BOP1: variants seen among roughly 807,000 people sequenced by gnomAD.
BOP1 encodes the protein BOP1 ribosomal biogenesis factor, also known as ribosome biogenesis protein BOP1.
In BOP1, 54 loss-of-function variants were observed where a neutral mutation model predicts 82.9. The ratio of observed to expected loss-of-function variants is 0.65; its 90% CI spans 0.52 to 0.82. The LOEUF is 0.82. Among genes scored for constraint, BOP1 ranks in the 40% least tolerant of loss-of-function variants. The probability of loss-of-function intolerance (pLI) is 0.00; values close to 1 mark genes in which losing one functional copy is unlikely to be tolerated. For missense variants in BOP1, 1,170 were observed against 1,072.0 expected (o/e 1.09, Z -1.28); for synonymous variants, 566 against 451.1 (o/e 1.25, Z -3.23).
chr8:144,262,424 C>T lies in BOP1; in HGVS notation c.2059G>A (p.Val687Ile). The T allele has an allele frequency of 1.2e-6, 2 of 1,612,802 alleles. No homozygotes were observed. The highest frequency in any genetic ancestry group is 1.7e-6 in the Non-Finnish European group (2 of 1,179,824). Reference sequence around the variant, plus strand: ...TACACCATGCCATGGCAGACGATGACACTGCCGTCGTCCGAGCCTGACGCA... The same window carrying T: ...TACACCATGCCATGGCAGACGATGATACTGCCGTCGTCCGAGCCTGACGCA... Reference protein sequence around the residue: ...LFASGSDDGSVIVCHGMVYND... With the variant: ...LFASGSDDGSIIVCHGMVYND... Residue 687 changes from valine to isoleucine, a missense_variant, in exon 15 of 16, where the codon GTC (valine) becomes ATC (isoleucine). By Grantham distance (29) the Val-to-Ile change is conservative (BLOSUM62 3). Transcript: ENST00000569669.
At chr8:144,266,533 C>CGGCCCGCGA (rs1204516697) in intron 3 of BOP1, 18 of 992,708 alleles carry the variant, frequency 1.8e-5, no homozygotes, top group Middle Eastern at 1.0e-3. Flanking sequence ...TCGCCCCGGC[C>CGGCCCGCGA]GGCCCGCGAG....
intron 2 of BOP1, among the ~76,000 whole-genome samples, chr8:144,279,113 G>A (rs587621267): frequency 2.7e-4 from 11 of 41,382 alleles, no homozygotes; most frequent in East Asian, 2.0e-3. Flanking sequence ...CACGGGCCAC[G>A]ACCGCCATGG....
At position 144,262,093 on chromosome 8, in the gene BOP1, C is replaced by T. The variant is rs1845192164; in HGVS notation, c.*71G>A. ...CAACCCCAATTCAAGAAGGTGGGAG[C>T]ACCAGGCAGCACAGGGTAAAGGCTC... On this transcript the variant is annotated 3_prime_UTR_variant, in exon 16 of 16. Coordinates refer to ENST00000569669, the MANE Select transcript of BOP1 (RefSeq NM_015201.5). The T allele has an allele frequency of 6.9e-6, 11 of 1,601,488 alleles. No homozygotes were observed. The highest frequency in any genetic ancestry group is 3.3e-5 in the Admixed American group (2 of 59,726).
chr8:144,266,809 C>G, intron 3 of BOP1: 1 of 1,157,828 alleles, frequency 8.6e-7, no homozygotes, highest in Non-Finnish European at 1.1e-6. Context: ...GGGCGGGGGG[C>G]CAGGGGGCCG....
rs1054074838 is a variant in BOP1, at chr8:144,262,378, G to A, written c.2087+18C>T. Reference sequence around the variant, plus strand: ...CACCACTGCCCTGGGGAGGGGGCCAGGCAGGGTCAGCACTCACTTGTACAC... The same window carrying A: ...CACCACTGCCCTGGGGAGGGGGCCAAGCAGGGTCAGCACTCACTTGTACAC... On this transcript the variant is annotated intron_variant, in intron 15 of 15. Transcript: ENST00000569669. 1.2e-5 allele frequency: 19 copies of A among 1,612,668 alleles called. No individual in the cohort carries two copies. In the African/African-American group the frequency reaches 2.0e-4, roughly 17 times the overall value.
intron 3 of BOP1, chr8:144,265,469 AC>A (rs1411846097): frequency 3.7e-6 from 1 of 267,962 alleles, no homozygotes. Context: ...CTCGGGGAAG[AC>A]CCCAACTGAC....
rs114852155 is a variant in BOP1 at position 144,279,911 on chromosome 8, G to C, written c.310-3607C>G. On this transcript the variant is annotated intron_variant, in intron 2 of 15. Transcript: ENST00000569669. ...CTGGACACACAAGAGGCCCGGCTGTGCTCACCTGAGATCCTCACCCAAGTC... is the reference window on the plus strand; with the variant it reads ...CTGGACACACAAGAGGCCCGGCTGTCCTCACCTGAGATCCTCACCCAAGTC... 7.8e-3 allele frequency among the ~76,000 whole-genome samples: 1,194 copies of C among 152,238 alleles called. 17 individuals carry two copies. Among genetic ancestry groups the C allele is most frequent in the African/African-American group, 0.028 (1,147 of 41,548 alleles).
At chr8:144,277,168 C>T (rs1845580293) in intron 2 of BOP1, among the ~76,000 whole-genome samples, 1 of 152,146 alleles carries the variant, frequency 6.6e-6, no homozygotes, top group African/African-American at 2.4e-5. Context: ...CCCCCGCCCC[C>T]ACCCCGAGCC....
intron 2 of BOP1, among the ~76,000 whole-genome samples, chr8:144,283,833 G>C (rs886690069): frequency 6.6e-6 from 1 of 152,180 alleles, no homozygotes; most frequent in Admixed American, 6.5e-5. Flanking sequence ...TAAATGCATT[G>C]ATGGCCAGGT....
In BOP1 at chr8:144,263,157, G is replaced by A. The variant is rs1177904364; in HGVS notation, c.1606-16C>T. The A allele has an allele frequency of 2.5e-6, 4 of 1,593,268 alleles. No individual in the cohort carries two copies. The African/African-American group carries it at 5.3e-5, about 21-fold the overall frequency. ...GCGTCACTGGCTGCAGGAGAGCAAGGCTGGCTGAGTGGCTGAGCCGGGCCC... is the reference window on the plus strand; with the variant it reads ...GCGTCACTGGCTGCAGGAGAGCAAGACTGGCTGAGTGGCTGAGCCGGGCCC... On this transcript the variant is annotated splice_polypyrimidine_tract_variant and intron_variant, in intron 12 of 15. Transcript: ENST00000569669.
At chr8:144,289,427 C>T in intron 1 of BOP1, 123 bp from the exon 2 acceptor site, 1 of 955,934 alleles carries the variant, frequency 1.0e-6, no homozygotes, top group Non-Finnish European at 1.6e-6. Flanking sequence ...CCTCCAGGAC[C>T]ACACCCCTCC....
chr8:144,276,594 C>T (rs1423665376), intron 2 of BOP1, among the ~76,000 whole-genome samples: 2 of 152,182 alleles, frequency 1.3e-5, no homozygotes, highest in African/African-American at 4.8e-5. Context: ...ACGGAAGCCA[C>T]TGGGGCAGTC....
Position 144,263,069 on chromosome 8 carries a change from G to C in BOP1, c.1678C>G (p.Gln560Glu). ...CGGCTCAGCTGGTGAATCAGCACCT[G>C]GGTGTGGCCTTGGGTGGCCAGCACC... ...AVVLATQGHT[Q>E]VLIHQLSRRR... Residue 560 changes from glutamine to glutamate, a missense_variant, in exon 13 of 16, where the codon CAG becomes GAG. Coordinates refer to ENST00000569669, the MANE Select transcript of BOP1 (RefSeq NM_015201.5). 1 of 1,588,292 alleles carries C rather than the reference G, an allele frequency of 6.3e-7. No homozygotes were observed. The highest frequency in any genetic ancestry group is 1.3e-5 in the African/African-American group (1 of 74,848).
rs782802564 is a variant in BOP1 at position 144,291,227 on chromosome 8, G to A, written c.99+45C>T. The A allele has an allele frequency of 2.7e-5, 38 of 1,393,760 alleles. 1 individual carries two copies. In the South Asian group the frequency reaches 5.6e-4, roughly 21 times the overall value. The allele number at this position is 1,393,760 out of a possible 1,614,324, so 86.3% of individuals were successfully genotyped here. A position where few individuals can be genotyped will look rare whatever the true frequency, so the allele number is the denominator to read the frequency against. On this transcript the variant is annotated intron_variant, in intron 1 of 15. Transcript: ENST00000569669. This position sits in a 1 kb window ranked among gnomAD's most constrained non-coding sequence, Gnocchi z 4.1. The stretch of plus-strand genomic sequence containing the variant: ...CCCCAGCGCGGCCACGTGCCCGCCG[G>A]GCCCTCTAGGGACGCGCCCCGCCGC...
At chr8:144,285,792 G>A (rs961071853) in intron 2 of BOP1, among the ~76,000 whole-genome samples, 8 of 152,278 alleles carry the variant, frequency 5.3e-5, no homozygotes, top group Non-Finnish European at 8.8e-5. Context: ...GGGCGAGGGT[G>A]TCTGGCAGAG....
chr8:144,268,388 T>C, intron 3 of BOP1: 1 of 591,522 alleles, frequency 1.7e-6, no homozygotes, highest in Non-Finnish European at 3.0e-6. Flanking sequence ...TGGCTTTTCT[T>C]CCGGCCACTG....
rs934848921 is a variant in BOP1 at position 144,264,506 on chromosome 8, G to C, written c.765+9C>G. 55 of 1,609,202 alleles carry C rather than the reference G, an allele frequency of 3.4e-5. No homozygotes were observed. The highest frequency in any genetic ancestry group is 8.8e-5 in the South Asian group (8 of 90,674). ...GCCCAGGCCAAGCCCCAGGGGCTGTGTGCCCCACCTTCTCCTTCTCCACCA... is the reference window on the plus strand; with the variant it reads ...GCCCAGGCCAAGCCCCAGGGGCTGTCTGCCCCACCTTCTCCTTCTCCACCA... On this transcript the variant is annotated intron_variant, in intron 6 of 15. Coordinates refer to ENST00000569669, the MANE Select transcript of BOP1 (RefSeq NM_015201.5).
intron 3 of BOP1, among the ~76,000 whole-genome samples, chr8:144,267,362 C>T (rs1324625997): frequency 6.6e-6 from 1 of 152,060 alleles, no homozygotes; most frequent in African/African-American, 2.4e-5. Flanking sequence ...CAGGGCGTCC[C>T]TAGGACACTC....
chr8:144,286,022 C>T (rs1423773847), intron 2 of BOP1, among the ~76,000 whole-genome samples: 1 of 152,210 alleles, frequency 6.6e-6, no homozygotes, highest in Non-Finnish European at 1.5e-5. Context: ...ACTGGGCTGC[C>T]GGCTGAGTTT....
Sources: gnomAD v4.1 joint callset for allele counts (sites outside exome capture counted in the v4.1 genomes callset) on GRCh38, gnomAD v4.1.1 for gene constraint, Gnocchi (gnomAD v3.1) non-coding constraint, MANE v1.5 for transcripts, NCBI Gene and HGNC (gene_info 2026-07-23, HGNC 2026-07-21) for gene names.